The following PSME2 variants were observed in gnomAD, a reference collection of about 807,000 sequenced individuals.
The protein encoded by PSME2 is proteasome activator complex subunit 2.
Under a neutral mutation model 38.8 loss-of-function variants are expected in PSME2, and 20 were observed. The observed-to-expected ratio is 0.52, with a 90% CI of 0.36 to 0.75. The LOEUF (loss-of-function observed/expected upper bound fraction) is 0.75. PSME2 is among the 30% of genes least tolerant of loss of function. The probability of loss-of-function intolerance (pLI) is 0.00; values close to 1 mark genes in which losing one functional copy is unlikely to be tolerated. For missense variants in PSME2, 227 were observed against 287.6 expected (o/e 0.79, Z 1.52); for synonymous variants, 82 against 102.5 (o/e 0.80, Z 1.21).
At position 24,144,352 on chromosome 14, in the gene PSME2, C is replaced by A. The variant is rs755782020; in HGVS notation, c.429+48G>T. 28 of 1,607,582 alleles carry A rather than the reference C, an allele frequency of 1.7e-5. No homozygotes were observed. The East Asian group carries it at 6.0e-4, about 35-fold the overall frequency. ...CCTCCTGGTTCATGTCTAGCTCACCCCCTGAGGCTCTCCCCACTCTAAGTA... is the reference window on the plus strand; with the variant it reads ...CCTCCTGGTTCATGTCTAGCTCACCACCTGAGGCTCTCCCCACTCTAAGTA... On this transcript the variant is annotated intron_variant, in intron 7 of 10. Coordinates refer to ENST00000216802, the MANE Select transcript of PSME2 (RefSeq NM_002818.3).
Position 24,143,726 on chromosome 14 carries a change from C to G in PSME2, c.553-55G>C. The stretch of plus-strand genomic sequence containing the variant: ...TCCCATGGGAGGCTGGGACATGAGT[C>G]TGGTTTCCTTTTATAGGAAATAGGT... On this transcript the variant is annotated intron_variant, in intron 9 of 10. Transcript: ENST00000216802. The surrounding 1 kb of genome is among the most constrained non-coding windows in gnomAD (Gnocchi z 4.4). The G allele has an allele frequency of 1.9e-6, 3 of 1,565,368 alleles. No individual in the cohort carries two copies. The highest frequency in any genetic ancestry group is 1.4e-5 in the African/African-American group (1 of 73,872).
chr14:24,144,173 G>T lies in PSME2; in HGVS notation c.497+19C>A. 1 of 1,614,150 alleles carries T rather than the reference G, an allele frequency of 6.2e-7. No individual in the cohort carries two copies. Among genetic ancestry groups the T allele is most frequent in the African/African-American group, 1.3e-5 (1 of 75,054 alleles). ...AATGCTCCTACTGCCCCCAATGCTGGTCCTCCAGCTGCCCTCACTTGGAAA... is the reference window on the plus strand; with the variant it reads ...AATGCTCCTACTGCCCCCAATGCTGTTCCTCCAGCTGCCCTCACTTGGAAA... On this transcript the variant is annotated intron_variant, in intron 8 of 10. Coordinates refer to ENST00000216802, the MANE Select transcript of PSME2 (RefSeq NM_002818.3).
chr14:24,146,449 C>A, intron 1 of PSME2, 85 bp downstream of exon 1: 1 of 1,565,560 alleles, frequency 6.4e-7, no homozygotes. Flanking sequence ...AGTTCTCTGG[C>A]ACTGCTTGGT....
chr14:24,146,341 A>G, intron 1 of PSME2, 101 bp from the exon 2 acceptor site: 1 of 1,494,624 alleles, frequency 6.7e-7, no homozygotes, highest in Non-Finnish European at 9.3e-7. Context: ...GGCCTTTCTC[A>G]CCACAAACTA....
intron 1 of PSME2, 121 bp downstream of exon 1, chr14:24,146,413 A>G: frequency 1.4e-6 from 2 of 1,455,168 alleles, no homozygotes; most frequent in Non-Finnish European, 1.9e-6. Flanking sequence ...ATCCCCGAGA[A>G]GTGAAGGCAC....
chr14:24,144,144 A>G (rs775713298), intron 8 of PSME2, 48 bp downstream of exon 8: 1 of 1,613,012 alleles, frequency 6.2e-7, no homozygotes, highest in Non-Finnish European at 8.5e-7. Flanking sequence ...GGGGGTCCCA[A>G]AGAAATGCTC....
At position 24,143,525 on chromosome 14, in the gene PSME2, A is replaced by G. The variant is rs375682570; in HGVS notation, c.640-36T>C. On this transcript the variant is annotated intron_variant, in intron 10 of 10. Coordinates refer to ENST00000216802, the MANE Select transcript of PSME2 (RefSeq NM_002818.3). The surrounding 1 kb of genome is among the most constrained non-coding windows in gnomAD (Gnocchi z 4.4). ...GCCAGAGTGCAAGAGTCAGGTTCTT[A>G]GCCAATCCCCTGCCTGCCCCCACTC... 12 of 1,613,002 alleles carry G rather than the reference A, an allele frequency of 7.4e-6. No homozygotes were observed. The highest frequency in any genetic ancestry group is 9.3e-6 in the Non-Finnish European group (11 of 1,179,006).
Position 24,143,805 on chromosome 14 carries a change from G to A in PSME2, c.553-134C>T. 7.8e-7 allele frequency: 1 copy of A among 1,275,800 alleles called. No individual in the cohort carries two copies. The highest frequency in any genetic ancestry group is 1.1e-6 in the Non-Finnish European group (1 of 892,142). The allele number at this position is 1,275,800 out of a possible 1,614,324, so 79.0% of individuals were successfully genotyped here. A position where few individuals can be genotyped will look rare whatever the true frequency, so the allele number is the denominator to read the frequency against. On this transcript the variant is annotated intron_variant, in intron 9 of 10. Transcript: ENST00000216802. This position sits in a 1 kb window ranked among gnomAD's most constrained non-coding sequence, Gnocchi z 4.4. The stretch of plus-strand genomic sequence containing the variant: ...CCAAGAAATAGGATCCCAAAGGACT[G>A]AGCAGAGAAAAGGGTCAAGGTTGTT...
At chr14:24,144,961 G>A in intron 6 of PSME2, 97 bp downstream of exon 6, 3 of 1,249,838 alleles carry the variant, frequency 2.4e-6, no homozygotes, top group Non-Finnish European at 3.5e-6. Flanking sequence ...TCTTTTTCAG[G>A]ACTAGGTCTC....
At chr14:24,144,070 G>A (rs202111429) in intron 8 of PSME2, 41 bp from the exon 9 acceptor site, 1 of 1,611,646 alleles carries the variant, frequency 6.2e-7, no homozygotes, top group East Asian at 2.2e-5. Context: ...GAGTGTTCAG[G>A]GAGATGTACT....
intron 7 of PSME2, 60 bp downstream of exon 7, chr14:24,144,340 G>A: frequency 6.2e-7 from 1 of 1,608,542 alleles, no homozygotes; most frequent in Non-Finnish European, 8.5e-7. Flanking sequence ...CCTGGTTCAT[G>A]TCTAGCTCAC....
Position 24,143,773 on chromosome 14 carries a change from C to T in PSME2, c.553-102G>A. ...AGGTTAACTTGAGAATGAACCCCTT[C>T]TTAGCACCAAGAAATAGGATCCCAA... On this transcript the variant is annotated intron_variant, in intron 9 of 10. Coordinates refer to ENST00000216802, the MANE Select transcript of PSME2 (RefSeq NM_002818.3). This position sits in a 1 kb window ranked among gnomAD's most constrained non-coding sequence, Gnocchi z 4.4. 7.4e-7 allele frequency: 1 copy of T among 1,356,998 alleles called. No homozygotes were observed. The highest frequency in any genetic ancestry group is 1.0e-6 in the Non-Finnish European group (1 of 959,656). 84.1% of individuals were successfully genotyped at this position (1,356,998 alleles called of 1,614,324 possible).
chr14:24,146,168 C>A, intron 2 of PSME2, 40 bp downstream of exon 2: 1 of 1,606,680 alleles, frequency 6.2e-7, no homozygotes, highest in Non-Finnish European at 8.5e-7. Context: ...AAGTATTGGT[C>A]CAAGATTCTG....
At chr14:24,145,339 T>C (rs1383906147) in intron 4 of PSME2, 40 bp downstream of exon 4, 7 of 1,611,928 alleles carry the variant, frequency 4.3e-6, no homozygotes, top group Admixed American at 3.3e-5. Flanking sequence ...ATCTTCTCCA[T>C]TGGGTTTATA....
chr14:24,145,393 G>A lies in PSME2; in HGVS notation c.217C>T (p.Pro73Ser), dbSNP rs1364215775. 1 of 1,589,094 alleles carries A rather than the reference G, an allele frequency of 6.3e-7. No homozygotes were observed. The highest frequency in any genetic ancestry group is 8.6e-7 in the Non-Finnish European group (1 of 1,167,516). ...PLDIPIPDPP[P>S]KDDEMETDKQ... is the part of the protein sequence containing the mutation. ...GAGTGCCTCACCTCATCATCCTTGG[G>A]TGGAGGGTCTGGGATGGGGATGTCC... The change falls in exon 4 of 11, where the codon CCC becomes TCC. Residue 73 changes from proline to serine, a missense_variant. This residue lies in a region of PSME2 where 48 missense variants were observed against 96.4 expected (regional missense o/e 0.50). Coordinates refer to ENST00000216802, the MANE Select transcript of PSME2 (RefSeq NM_002818.3).
At chr14:24,144,509 T>C (rs370413616) in intron 6 of PSME2, 41 bp from the exon 7 acceptor site, 27 of 1,559,368 alleles carry the variant, frequency 1.7e-5, no homozygotes, top group Non-Finnish European at 2.2e-5. Context: ...TCAACAAACA[T>C]ACTGAGTTCT....
rs768347212 is a variant in PSME2 at position 24,143,927 on chromosome 14, C to T, written c.552+48G>A. ...GACAAGGAGGACTTCTTCCTCCACA[C>T]CTCCTCGTCCCACACCCAGCTAAAA... On this transcript the variant is annotated intron_variant, in intron 9 of 10. Coordinates refer to ENST00000216802, the MANE Select transcript of PSME2 (RefSeq NM_002818.3). This position sits in a 1 kb window ranked among gnomAD's most constrained non-coding sequence, Gnocchi z 4.4. 26 of 1,585,724 alleles carry T rather than the reference C, an allele frequency of 1.6e-5. No individual in the cohort carries two copies. Among genetic ancestry groups the T allele is most frequent in the South Asian group, 2.2e-5 (2 of 90,488 alleles).
At chr14:24,144,133 T>TG (rs1338355293) in intron 8 of PSME2, 59 bp downstream of exon 8, 1 of 1,612,338 alleles carries the variant, frequency 6.2e-7, no homozygotes, top group Non-Finnish European at 8.5e-7. Context: ...TGCCCAGCTC[T>TG]GGGGGTCCCA....
chr14:24,145,429 G>A lies in PSME2; in HGVS notation c.181C>T (p.Arg61Trp), dbSNP rs1136581. Reference sequence around the variant, plus strand: ...GGGATGGGGATGTCCAGTGGGGCCCGGAGGGAAGTCAAGTCAGCCACATTG... The same window carrying A: ...GGGATGGGGATGTCCAGTGGGGCCCAGAGGGAAGTCAAGTCAGCCACATTG... Reference protein sequence around the residue: ...SLNVADLTSLRAPLDIPIPDP... With the variant: ...SLNVADLTSLWAPLDIPIPDP... Residue 61 changes from arginine (R) to tryptophan (W), a missense_variant, in exon 4 of 11, where the codon CGG (arginine) becomes TGG (tryptophan). Transcript: ENST00000216802. 20 of 1,560,194 alleles carry A rather than the reference G, an allele frequency of 1.3e-5. No homozygotes were observed. The highest frequency in any genetic ancestry group is 3.7e-5 in the South Asian group (3 of 81,098).
Sources: gnomAD v4.1 joint callset for allele counts on GRCh38, gnomAD v4.1.1 for gene constraint, gnomAD v4.1.1 regional missense constraint, Gnocchi (gnomAD v3.1) non-coding constraint, MANE v1.5 for transcripts, NCBI Gene and HGNC (gene_info 2026-07-23, HGNC 2026-07-21) for gene names.